The following NPEPPS variants were observed in gnomAD, a reference collection of about 807,000 sequenced individuals.
NPEPPS encodes the protein puromycin-sensitive aminopeptidase.
A neutral mutation model predicts 115.5 loss-of-function variants in NPEPPS; 14 were observed. That is an observed-to-expected ratio of 0.12 (90% CI 0.08 to 0.19). NPEPPS has a LOEUF of 0.19. Ranked by LOEUF, NPEPPS falls within the 10% of genes least tolerant of loss-of-function variation. The pLI is 1.00. For synonymous variants in NPEPPS, 285 were observed against 390.6 expected, an observed-to-expected ratio of 0.73 and a Z score of 3.19; for missense variants, 523 against 1,110.8, an observed-to-expected ratio of 0.47 and a Z score of 7.52.
chr17:47,591,922 T>G (rs779411286), intron 10 of NPEPPS, 34 bp from the exon 11 acceptor site: 34 of 734,650 alleles, frequency 4.6e-5, no homozygotes, highest in South Asian at 3.4e-5. Flanking sequence ...GCTATCTGCT[T>G]CCTGTCATAA....
At chr17:47,575,991 T>G (rs901474123) in intron 3 of NPEPPS, among the ~76,000 whole-genome samples, 1 of 152,146 alleles carries the variant, frequency 6.6e-6, no homozygotes, top group Non-Finnish European at 1.5e-5. Context: ...GAAGTTAATC[T>G]TTTTCAAGAC....
At chr17:47,566,460 T>A (rs1216554392) in intron 2 of NPEPPS, among the ~76,000 whole-genome samples, 1 of 151,692 alleles carries the variant, frequency 6.6e-6, no homozygotes, top group Non-Finnish European at 1.5e-5. Flanking sequence ...TTGCCATTTT[T>A]AAATTGGGTT....
At chr17:47,605,256 A>C in intron 16 of NPEPPS, 77 bp from the exon 17 acceptor site, 1 of 1,038,340 alleles carries the variant, frequency 9.6e-7, no homozygotes. Context: ...CTAGCAGTAG[A>C]TAATGCCAAA....
chr17:47,591,888 G>A (rs368243787), intron 10 of NPEPPS, 68 bp from the exon 11 acceptor site: 16 of 606,294 alleles, frequency 2.6e-5, no homozygotes, highest in South Asian at 2.4e-4. Context: ...CCTAGAAAGC[G>A]TTTTATGTAA....
At chr17:47,568,099 C>T (rs1005587764) in intron 2 of NPEPPS, among the ~76,000 whole-genome samples, 7 of 152,054 alleles carry the variant, frequency 4.6e-5, no homozygotes, top group Non-Finnish European at 7.4e-5. Flanking sequence ...AAAGTGGCTG[C>T]ACCATTTACA....
intron 1 of NPEPPS, among the ~76,000 whole-genome samples, chr17:47,536,461 C>T (rs142232522): frequency 0.047 from 6,641 of 142,436 alleles, 217 homozygotes; most frequent in Middle Eastern, 0.17. Context: ...GGCATGATCT[C>T]GGCTCACCGC....
At chr17:47,548,489 T>C (rs1909393669) in intron 2 of NPEPPS, among the ~76,000 whole-genome samples, 2 of 152,000 alleles carry the variant, frequency 1.3e-5, no homozygotes, top group East Asian at 3.8e-4. Context: ...GATCTAGTAA[T>C]ATAAATGTGT....
At chr17:47,588,690 G>T (rs1912334472) in intron 9 of NPEPPS, among the ~76,000 whole-genome samples, 2 of 151,434 alleles carry the variant, frequency 1.3e-5, no homozygotes, top group African/African-American at 4.9e-5. Flanking sequence ...TAATTTTTTT[G>T]CTTGGTTTTG....
At chr17:47,605,735 C>G (rs1488243862) in intron 17 of NPEPPS, among the ~76,000 whole-genome samples, 183 bp downstream of exon 17, 2 of 152,074 alleles carry the variant, frequency 1.3e-5, no homozygotes, top group Non-Finnish European at 2.9e-5. Flanking sequence ...AACATAGAAA[C>G]AGTAGTGGTT....
chr17:47,569,660 C>A (rs1275348219), intron 3 of NPEPPS, among the ~76,000 whole-genome samples, 166 bp downstream of exon 3: 1 of 151,440 alleles, frequency 6.6e-6, no homozygotes, highest in Non-Finnish European at 1.5e-5. Context: ...CTCTATTGCC[C>A]AGGCTGGAGA....
upstream of NPEPPS, among the ~76,000 whole-genome samples, chr17:47,529,444 G>A (rs1387768692): frequency 5.5e-4 from 78 of 142,462 alleles, 1 homozygote; most frequent in South Asian, 0.015. Context: ...TCTCGTTGTC[G>A]CCCAGGCTGG....
intron 1 of NPEPPS, among the ~76,000 whole-genome samples, chr17:47,540,531 T>C (rs962156379): frequency 3.9e-5 from 6 of 152,256 alleles, no homozygotes; most frequent in Admixed American, 3.9e-4. Flanking sequence ...TACTGCGTTG[T>C]AGTCAGCACA....
chr17:47,605,209 G>A, intron 16 of NPEPPS, 124 bp from the exon 17 acceptor site: 2 of 627,324 alleles, frequency 3.2e-6, no homozygotes, highest in Non-Finnish European at 5.6e-6. Flanking sequence ...AGTGTTCTGA[G>A]CTTATACAGT....
intron 2 of NPEPPS, among the ~76,000 whole-genome samples, chr17:47,557,784 C>CATATTAAA (rs1910148950): frequency 1.3e-5 from 2 of 148,954 alleles, no homozygotes; most frequent in South Asian, 4.4e-4. Context: ...ATAAAGGGTA[C>CATATTAAA]ATATTAAAAT....
rs1434187096 is a variant in NPEPPS, at chr17:47,618,980, T to C, written c.2404-29T>C. On this transcript the variant is annotated intron_variant, in intron 20 of 22. Transcript: ENST00000322157. The stretch of plus-strand genomic sequence containing the variant: ...GTACCAGAATATGTTTTTGATACAC[T>C]AGACTTTTAGCTCTCTTTCTTTTTT... The C allele has an allele frequency of 3.7e-6, 6 of 1,606,022 alleles. No individual in the cohort carries two copies. In the Admixed American group the frequency reaches 1.0e-4, roughly 27 times the overall value.
At chr17:47,613,883 C>T (rs1914027452) in intron 19 of NPEPPS, among the ~76,000 whole-genome samples, 158 bp downstream of exon 19, 1 of 149,710 alleles carries the variant, frequency 6.7e-6, no homozygotes, top group Admixed American at 6.7e-5. Flanking sequence ...TATGTCTATC[C>T]ATATATGTTA....
At chr17:47,538,638 T>C (rs529321414) in intron 1 of NPEPPS, among the ~76,000 whole-genome samples, 232 of 150,438 alleles carry the variant, frequency 1.5e-3, no homozygotes, top group African/African-American at 5.4e-3. Context: ...TAAGCGATTC[T>C]CCTGCCTCAT....
intron 2 of NPEPPS, among the ~76,000 whole-genome samples, chr17:47,547,378 G>A (rs1460040053): frequency 1.3e-5 from 2 of 150,074 alleles, no homozygotes; most frequent in Admixed American, 6.7e-5. Context: ...AGAGAGTCTC[G>A]CTCTGTCACC....
Position 47,566,390 on chromosome 17 carries a change from C to CT in NPEPPS, c.341-3020dup, listed in dbSNP as rs796968943. On this transcript the variant is annotated intron_variant, in intron 2 of 22. Transcript: ENST00000322157. The stretch of plus-strand genomic sequence containing the variant: ...CCTTAATGACTAATGATGCTGAACA[C>CT]TTTTTTTATGTGCTTTTTTTTTTTG... Among the ~76,000 whole-genome samples the CT allele has an allele frequency of 4.0e-5, 6 of 148,992 alleles. No homozygotes were observed. The East Asian group carries it at 1.2e-3, about 29-fold the overall frequency.
Sources: gnomAD v4.1 joint callset for allele counts (sites outside exome capture counted in the v4.1 genomes callset) on GRCh38, gnomAD v4.1.1 for gene constraint, MANE v1.5 for transcripts, NCBI Gene and HGNC (gene_info 2026-07-23, HGNC 2026-07-21) for gene names.